Variants in PDE10A observed in about 807,000 individuals in gnomAD.
PDE10A encodes phosphodiesterase 10A, also known as cAMP and cAMP-inhibited cGMP 3',5'-cyclic phosphodiesterase 10A.
In PDE10A, 39 loss-of-function variants were observed where a neutral mutation model predicts 97.7. The observed-to-expected ratio is 0.40, with a 90% CI of 0.31 to 0.52. The LOEUF (loss-of-function observed/expected upper bound fraction) is 0.52, where lower values mean the gene tolerates loss of function less well. Ranked by LOEUF, PDE10A falls within the 20% of genes least tolerant of loss-of-function variation. PDE10A has a pLI of 0.56. For synonymous variants in PDE10A, 371 were observed against 376.8 expected, an observed-to-expected ratio of 0.98 and a Z score of 0.18; for missense variants, 731 against 1,047.8, an observed-to-expected ratio of 0.70 and a Z score of 4.17.
rs189049995 is a variant in PDE10A, at chr6:165,344,769, T to C, written c.2784-1267A>G. ...AGCCCATTTAAGGAATCATCAGTTT[T>C]ACTACCTTGCTTTTTGTAAGGGCAC... On this transcript the variant is annotated intron_variant, in intron 18 of 21. Transcript: ENST00000539869. Among the ~76,000 whole-genome samples the C allele has an allele frequency of 3.0e-3, 458 of 152,334 alleles. 2 individuals carry two copies. Among genetic ancestry groups the C allele is most frequent in the Middle Eastern group, 6.8e-3 (2 of 294 alleles).
chr6:165,761,175 C>A (rs181225695), intron 1 of PDE10A, among the ~76,000 whole-genome samples: 6 of 152,260 alleles, frequency 3.9e-5, no homozygotes, highest in Non-Finnish European at 7.4e-5. Context: ...TTCTTTTCTC[C>A]CAATAAACTC....
chr6:165,621,342 C>T (rs1340441424), intron 1 of PDE10A, among the ~76,000 whole-genome samples: 2 of 151,976 alleles, frequency 1.3e-5, no homozygotes, highest in Admixed American at 1.3e-4. Flanking sequence ...AAAGCATTGC[C>T]TATAATGCTT....
chr6:165,506,931 T>G (rs1032951768), intron 2 of PDE10A, among the ~76,000 whole-genome samples: 1 of 152,150 alleles, frequency 6.6e-6, no homozygotes, highest in Non-Finnish European at 1.5e-5. Flanking sequence ...CTCTCTGTTT[T>G]TCTTCTAATC....
intron 1 of PDE10A, among the ~76,000 whole-genome samples, chr6:165,686,619 A>G (rs571488238): frequency 4.5e-4 from 68 of 152,350 alleles, no homozygotes; most frequent in African/African-American, 1.6e-3. Flanking sequence ...ACAAGGCCAT[A>G]AGCAGTGTTT....
At chr6:165,894,175 C>A in intron 1 of PDE10A, 1 of 381,474 alleles carries the variant, frequency 2.6e-6, no homozygotes, top group South Asian at 1.9e-5. Context: ...GATTTAGGAA[C>A]TACATTCCCA....
At chr6:165,472,280 G>A (rs1352259101) in intron 3 of PDE10A, among the ~76,000 whole-genome samples, 1 of 151,918 alleles carries the variant, frequency 6.6e-6, no homozygotes, top group Admixed American at 6.6e-5. Flanking sequence ...TATAGTATTT[G>A]CTATTCTCTC....
chr6:165,959,862 C>A (rs918544684), intron 1 of PDE10A, among the ~76,000 whole-genome samples: 1 of 152,100 alleles, frequency 6.6e-6, no homozygotes, highest in Non-Finnish European at 1.5e-5. Flanking sequence ...GCTCAGGCAC[C>A]AAACACCATG....
intron 5 of PDE10A, among the ~76,000 whole-genome samples, chr6:165,448,294 T>C (rs1791013478): frequency 1.3e-5 from 2 of 152,218 alleles, no homozygotes; most frequent in African/African-American, 2.4e-5. Context: ...ATGCCAGTAA[T>C]TGAACATCTT....
At chr6:165,735,707 G>C (rs955990110) in intron 1 of PDE10A, among the ~76,000 whole-genome samples, 1 of 152,076 alleles carries the variant, frequency 6.6e-6, no homozygotes, top group Non-Finnish European at 1.5e-5. Context: ...CATCTGATTG[G>C]ATGAGGCCCA....
At chr6:165,979,964 A>T (rs1234220721) in intron 1 of PDE10A, among the ~76,000 whole-genome samples, 2 of 152,234 alleles carry the variant, frequency 1.3e-5, no homozygotes, top group Non-Finnish European at 2.9e-5. Flanking sequence ...CTCAATGTTT[A>T]TTCTACAGCA....
chr6:165,624,908 CGTT>C (rs1341441901), intron 1 of PDE10A, among the ~76,000 whole-genome samples: 1 of 152,160 alleles, frequency 6.6e-6, no homozygotes, highest in African/African-American at 2.4e-5. Flanking sequence ...TGGGGAGACC[CGTT>C]GGTAGGGATA....
At chr6:165,699,886 T>A (rs903769851) in intron 1 of PDE10A, among the ~76,000 whole-genome samples, 1 of 151,542 alleles carries the variant, frequency 6.6e-6, no homozygotes, top group Non-Finnish European at 1.5e-5. Flanking sequence ...AGAAGAAAGA[T>A]CTCAAATCAA....
intron 1 of PDE10A, among the ~76,000 whole-genome samples, chr6:165,913,068 T>C (rs920410907): frequency 6.6e-6 from 1 of 152,192 alleles, no homozygotes; most frequent in Non-Finnish European, 1.5e-5. Context: ...GTGATGGGTG[T>C]GCAAGATTAT....
rs916182124 is a variant in PDE10A at position 165,400,511 on chromosome 6, C to T, written c.2077-4052G>A. ...TAAAAATCAATAAGAAAACAAACCA[C>T]CACAAACAAAAGATGGACAAAAGAT... is the stretch of plus-strand genomic sequence containing the variant. On this transcript the variant is annotated intron_variant, in intron 13 of 21. Coordinates refer to ENST00000539869, the MANE Select transcript of PDE10A (RefSeq NM_001385079.1). Among the ~76,000 whole-genome samples, 15 of 152,118 alleles carry T rather than the reference C, an allele frequency of 9.9e-5. No individual in the cohort carries two copies. In the South Asian group the frequency reaches 1.7e-3, roughly 17 times the overall value.
chr6:165,959,995 A>C (rs1286612275), intron 1 of PDE10A, among the ~76,000 whole-genome samples: 2 of 152,184 alleles, frequency 1.3e-5, no homozygotes, highest in Non-Finnish European at 2.9e-5. Flanking sequence ...ACAATCCAGC[A>C]AAAGATTAGC....
chr6:165,666,530 A>T (rs1195490368), upstream of PDE10A, among the ~76,000 whole-genome samples: 1 of 152,240 alleles, frequency 6.6e-6, no homozygotes, highest in African/African-American at 2.4e-5. Context: ...TGTAAATGTC[A>T]TTCAGGTGTG....
At chr6:165,722,989 T>C (rs976970054) in intron 1 of PDE10A, among the ~76,000 whole-genome samples, 1 of 152,130 alleles carries the variant, frequency 6.6e-6, no homozygotes, top group African/African-American at 2.4e-5. Flanking sequence ...TTGTTTGGAT[T>C]GAATATAATA....
chr6:165,604,217 T>C (rs1787098948), intron 1 of PDE10A, among the ~76,000 whole-genome samples: 3 of 152,342 alleles, frequency 2.0e-5, no homozygotes, highest in African/African-American at 7.2e-5. Flanking sequence ...TTCGTCTTCA[T>C]GGGTCTGTAG....
intron 20 of PDE10A, among the ~76,000 whole-genome samples, chr6:165,338,226 C>T (rs1247362021): frequency 2.6e-5 from 4 of 152,232 alleles, no homozygotes; most frequent in Non-Finnish European, 4.4e-5. Flanking sequence ...TGCTGGTACC[C>T]TCTGTGAGCT....
Sources: allele counts gnomAD v4.1 joint callset (sites outside exome capture counted in the v4.1 genomes callset), GRCh38; gene constraint gnomAD v4.1.1; transcripts MANE v1.5; gene names NCBI Gene and HGNC (gene_info 2026-07-23, HGNC 2026-07-21).